The following TXNRD1 variants were observed in gnomAD, a reference collection of about 807,000 sequenced individuals.
TXNRD1 encodes the protein thioredoxin reductase 1.
A neutral mutation model predicts 80.3 loss-of-function variants in TXNRD1; 57 were observed. The ratio of observed to expected loss-of-function variants is 0.71; its 90% CI spans 0.57 to 0.89. The LOEUF (loss-of-function observed/expected upper bound fraction) is 0.89. Ranked by LOEUF, TXNRD1 falls within the 40% of genes least tolerant of loss-of-function variation. The pLI, the probability that TXNRD1 is intolerant of heterozygous loss-of-function variation, is 0.00. For missense variants in TXNRD1, 730 were observed against 803.0 expected (o/e 0.91, Z 1.10); for synonymous variants, 291 against 285.2 (o/e 1.02, Z -0.20).
chr12:104,318,889 A>G (rs1565899732), intron 7 of TXNRD1, 24 bp from the exon 8 acceptor site: 3 of 1,584,090 alleles, frequency 1.9e-6, no homozygotes, highest in Non-Finnish European at 2.6e-6. Flanking sequence ...GCCAAACAAG[A>G]TTTTGTTTTA....
intron 1 of TXNRD1, among the ~76,000 whole-genome samples, chr12:104,229,556 A>G (rs917054768): frequency 1.7e-5 from 2 of 119,862 alleles, no homozygotes; most frequent in African/African-American, 7.6e-5. Flanking sequence ...TTGTATGAAT[A>G]TACAACATTT....
intron 1 of TXNRD1, among the ~76,000 whole-genome samples, chr12:104,216,448 C>T (rs2032215435): frequency 6.6e-6 from 1 of 152,198 alleles, no homozygotes; most frequent in Admixed American, 6.6e-5. Context: ...ACCATCATCC[C>T]GCTTTATCCT....
intron 10 of TXNRD1, among the ~76,000 whole-genome samples, chr12:104,322,224 C>T (rs1410505421): frequency 6.6e-6 from 1 of 152,014 alleles, no homozygotes; most frequent in Non-Finnish European, 1.5e-5. Context: ...GTGAGGATTG[C>T]ATTAGCCAAC....
At chr12:104,293,878 G>A (rs374550829) in intron 4 of TXNRD1, among the ~76,000 whole-genome samples, 6 of 152,186 alleles carry the variant, frequency 3.9e-5, no homozygotes, top group African/African-American at 9.6e-5. Flanking sequence ...AAGAATGTGA[G>A]TCACCTCCAA....
intron 3 of TXNRD1, among the ~76,000 whole-genome samples, chr12:104,281,418 TC>T (rs746845378): frequency 0.4 from 31,736 of 78,702 alleles, 8,552 homozygotes; most frequent in East Asian, 0.71. Flanking sequence ...TTTTTTTTTT[TC>T]TTTTTGAGAT....
At chr12:104,288,860 C>T (rs767322331) in intron 3 of TXNRD1, 71 bp from the exon 4 acceptor site, 2 of 1,612,784 alleles carry the variant, frequency 1.2e-6, no homozygotes, top group African/African-American at 1.3e-5. Context: ...AGCCCCGCCC[C>T]CGGCGCAGTT....
intron 2 of TXNRD1, among the ~76,000 whole-genome samples, chr12:104,254,186 G>A (rs80142562): frequency 0.035 from 5,391 of 152,120 alleles, 261 homozygotes; most frequent in African/African-American, 0.11. Context: ...TATCTATATC[G>A]TAAGTTTGTT....
At chr12:104,278,546 G>T (rs1265016847) in intron 3 of TXNRD1, among the ~76,000 whole-genome samples, 2 of 129,650 alleles carry the variant, frequency 1.5e-5, no homozygotes, top group East Asian at 5.0e-4. Context: ...CTGTCACCCA[G>T]GCTGGAGTGC....
Position 104,311,306 on chromosome 12 carries a change from G to T in TXNRD1, c.431G>T (p.Arg144Ile), listed in dbSNP as rs368264904. 203 of 1,603,056 alleles carry T rather than the reference G, an allele frequency of 1.3e-4. No individual in the cohort carries two copies. Among genetic ancestry groups the T allele is most frequent in the Non-Finnish European group, 1.5e-4 (182 of 1,174,224 alleles). ...TTTCTTTAGGCTTATCAGGAGGGCAGACTTCAAAAGCTACTAAAAATGAAC... is the reference window on the plus strand; with the variant it reads ...TTTCTTTAGGCTTATCAGGAGGGCATACTTCAAAAGCTACTAAAAATGAAC... ...GPTLKAYQEG[R>I]LQKLLKMNGP... The change falls in exon 5 of 17, where the codon AGA (arginine) becomes ATA (isoleucine). Residue 144 changes from arginine (R) to isoleucine (I), a missense_variant. Arg to Ile is a moderately conservative substitution (Grantham distance 97, BLOSUM62 -3). Transcript: ENST00000525566.
chr12:104,323,370 G>A (rs1813809723), intron 10 of TXNRD1, among the ~76,000 whole-genome samples: 1 of 151,162 alleles, frequency 6.6e-6, no homozygotes, highest in African/African-American at 2.4e-5. Context: ...TCACTTCCCA[G>A]TAGGGGCGGC....
At chr12:104,242,364 A>T (rs969512918) in intron 1 of TXNRD1, among the ~76,000 whole-genome samples, 2 of 150,676 alleles carry the variant, frequency 1.3e-5, no homozygotes, top group South Asian at 4.3e-4. Flanking sequence ...CCTGGCCAAG[A>T]TGGTGAAACC....
chr12:104,265,297 G>A (rs1955240399), intron 3 of TXNRD1: 25 of 1,593,352 alleles, frequency 1.6e-5, no homozygotes, highest in Non-Finnish European at 1.9e-5. Flanking sequence ...CGGCGAACGC[G>A]GAGAGCACGC....
intron 1 of TXNRD1, among the ~76,000 whole-genome samples, chr12:104,240,495 T>G (rs2032834445): frequency 6.6e-6 from 1 of 152,204 alleles, no homozygotes; most frequent in Non-Finnish European, 1.5e-5. Flanking sequence ...AAAGAACATA[T>G]TTTCTGTATA....
intron 11 of TXNRD1, among the ~76,000 whole-genome samples, 176 bp from the exon 12 acceptor site, chr12:104,326,170 AT>A (rs1255092056): frequency 7.9e-5 from 12 of 152,042 alleles, no homozygotes; most frequent in Non-Finnish European, 1.8e-4. Flanking sequence ...TGTTCAAAGG[AT>A]TTTTTTCTGA....
chr12:104,336,757 G>A (rs2135877993), intron 15 of TXNRD1, among the ~76,000 whole-genome samples: 1 of 152,180 alleles, frequency 6.6e-6, no homozygotes, highest in Admixed American at 6.5e-5. Flanking sequence ...GAGCTCTACA[G>A]GTATTAACTT....
At chr12:104,329,509 T>G (rs1447280849) in intron 13 of TXNRD1, among the ~76,000 whole-genome samples, 1 of 151,602 alleles carries the variant, frequency 6.6e-6, no homozygotes. Context: ...ATGAGATCGG[T>G]GAGGTGGTGC....
At chr12:104,268,338 C>T (rs1398444078) in intron 3 of TXNRD1, among the ~76,000 whole-genome samples, 3 of 146,592 alleles carry the variant, frequency 2.0e-5, no homozygotes, top group East Asian at 2.4e-4. Context: ...GGTAAAACCC[C>T]GTCTCTACTA....
At chr12:104,319,739 A>C (rs1247951307) in intron 9 of TXNRD1, among the ~76,000 whole-genome samples, 154 bp downstream of exon 9, 1 of 152,244 alleles carries the variant, frequency 6.6e-6, no homozygotes, top group East Asian at 1.9e-4. Flanking sequence ...GAGAAAGAGA[A>C]AAAGGAAAAA....
chr12:104,296,686 G>A (rs768524539), intron 4 of TXNRD1, among the ~76,000 whole-genome samples: 4 of 152,210 alleles, frequency 2.6e-5, no homozygotes, highest in East Asian at 1.9e-4. Context: ...TGAATAGATC[G>A]TGGTAGGGCC....
Sources: gnomAD v4.1 joint callset for allele counts (sites outside exome capture counted in the v4.1 genomes callset) on GRCh38, gnomAD v4.1.1 for gene constraint, MANE v1.5 for transcripts, NCBI Gene and HGNC (gene_info 2026-07-23, HGNC 2026-07-21) for gene names.